The following CTSL variants were observed in gnomAD, a reference collection of about 807,000 sequenced individuals.
The protein encoded by CTSL is procathepsin L.
A neutral mutation model predicts 34.7 loss-of-function variants in CTSL; 23 were observed. The observed-to-expected ratio is 0.66, with a 90% CI of 0.48 to 0.94. The LOEUF (loss-of-function observed/expected upper bound fraction) is 0.94. Ranked by LOEUF, CTSL falls within the 40% of genes least tolerant of loss-of-function variation. The pLI, the probability that CTSL is intolerant of heterozygous loss-of-function variation, is 0.00. For synonymous variants in CTSL, 129 were observed against 136.7 expected (o/e 0.94, Z 0.39); for missense variants, 361 against 406.3 (o/e 0.89, Z 0.96).
At position 87,728,728 on chromosome 9, in the gene CTSL, T is replaced by TG. The variant is rs768022145; in HGVS notation, c.542dup (p.Leu182ProfsTer12). On this transcript the variant is annotated frameshift_variant, in exon 5 of 8. Transcript: ENST00000343150. LOFTEE classifies it high-confidence loss of function. ...CTCAAGGCAATGAAGGCTGCAATGG[T>TG]GGCCTAATGGATTATGCTTTCCAGT... 6.2e-7 allele frequency: 1 copy of TG among 1,614,190 alleles called. No individual in the cohort carries two copies. Among genetic ancestry groups the TG allele is most frequent in the Non-Finnish European group, 8.5e-7 (1 of 1,180,038 alleles).
chr9:87,730,576 C>T, intron 7 of CTSL, 78 bp downstream of exon 7: 1 of 990,530 alleles, frequency 1.0e-6, no homozygotes, highest in Non-Finnish European at 1.5e-6. Context: ...GATACAGTTC[C>T]ACATGCCCTT....
At position 87,726,301 on chromosome 9, in the gene CTSL, G is replaced by C. The variant is rs1177987436; in HGVS notation, c.-108G>C. 1 of 152,704 alleles carries C rather than the reference G, an allele frequency of 6.5e-6. No individual in the cohort carries two copies. Among genetic ancestry groups the C allele is most frequent in the African/African-American group, 2.4e-5 (1 of 41,478 alleles). The allele number at this position is 152,704 out of a possible 1,614,324, so 9.5% of individuals were successfully genotyped here. On this transcript the variant is annotated 5_prime_UTR_variant, in exon 1 of 8. Transcript: ENST00000343150. ...AGAGCGTCTACCCCGAACTCTGCTG[G>C]CCTTGAGGTGGGGAAGCCGGGGAGG...
chr9:87,729,764 A>G (rs757085340), intron 6 of CTSL, 29 bp downstream of exon 6: 5 of 1,581,132 alleles, frequency 3.2e-6, no homozygotes, highest in African/African-American at 1.4e-5. Context: ...GTAGAAATTG[A>G]TGCAGAAAAA....
Position 87,728,334 on chromosome 9 carries a change from T to C in CTSL, c.334T>C (p.Tyr112His), listed in dbSNP as rs1287963546. Residue 112 changes from tyrosine (Y) to histidine (H), a missense_variant, in exon 4 of 8, where the codon TAT (tyrosine) becomes CAT (histidine). Physicochemically the swap from Tyr to His is moderately conservative, Grantham distance 83 (BLOSUM62 2). Transcript: ENST00000343150. The stretch of plus-strand genomic sequence containing the variant: ...GAAAGTGTTCCAGGAACCTCTGTTT[T>C]ATGAGGCCCCCAGATCTGTGGATTG... ...KGKVFQEPLF[Y>H]EAPRSVDWRE... 6 of 1,614,152 alleles carry C rather than the reference T, an allele frequency of 3.7e-6. No homozygotes were observed. The highest frequency in any genetic ancestry group is 5.1e-6 in the Non-Finnish European group (6 of 1,180,012).
intron 1 of CTSL, among the ~76,000 whole-genome samples, chr9:87,726,791 C>G (rs1341370413): frequency 2.6e-5 from 4 of 152,024 alleles, no homozygotes; most frequent in Non-Finnish European, 5.9e-5. Flanking sequence ...TCCTGTAATC[C>G]CAGCACTTTG....
At chr9:87,728,461 T>C (rs1587869867) in intron 4 of CTSL, 65 bp downstream of exon 4, 1 of 1,582,282 alleles carries the variant, frequency 6.3e-7, no homozygotes, top group Admixed American at 1.9e-5. Context: ...TTGACATCTT[T>C]GTTTTGGTAG....
chr9:87,726,603 T>TC (rs1366276726), intron 1 of CTSL, among the ~76,000 whole-genome samples: 1 of 152,220 alleles, frequency 6.6e-6, no homozygotes, highest in Non-Finnish European at 1.5e-5. Flanking sequence ...GGCGCTGGCT[T>TC]CCCGCGTGCG....
Position 87,728,402 on chromosome 9 carries a change from A to G in CTSL, c.396+6A>G, listed in dbSNP as rs1826120538. The G allele has an allele frequency of 1.2e-6, 2 of 1,612,340 alleles. No individual in the cohort carries two copies. The highest frequency in any genetic ancestry group is 1.3e-5 in the African/African-American group (1 of 74,838). ...TGACTCCTGTGAAGAATCAGGTGAG[A>G]CAGTGTCAGGTTCAGACCTCCCATC... On this transcript the variant is annotated splice_donor_region_variant and intron_variant, in intron 4 of 7. Coordinates refer to ENST00000343150, the MANE Select transcript of CTSL (RefSeq NM_001912.5).
At position 87,728,622 on chromosome 9, in the gene CTSL, G is replaced by A. The variant is rs1321351530; in HGVS notation, c.434G>A (p.Gly145Asp). The change falls in exon 5 of 8, where the codon GGT (glycine) becomes GAT (aspartate). Residue 145 changes from glycine to aspartate, a missense_variant. Physicochemically the swap from Gly to Asp is moderately conservative, Grantham distance 94. Coordinates refer to ENST00000343150, the MANE Select transcript of CTSL (RefSeq NM_001912.5). ...CGSCWAFSAT[G>D]ALEGQMFRKT... Reference sequence around the variant, plus strand: ...TCTTGTTGGGCTTTTAGTGCTACTGGTGCTCTTGAAGGACAGATGTTCCGG... The same window carrying A: ...TCTTGTTGGGCTTTTAGTGCTACTGATGCTCTTGAAGGACAGATGTTCCGG... 6.2e-7 allele frequency: 1 copy of A among 1,613,892 alleles called. No individual in the cohort carries two copies. The highest frequency in any genetic ancestry group is 1.7e-5 in the Admixed American group (1 of 59,982).
chr9:87,728,835 C>T lies in CTSL; in HGVS notation c.621+26C>T. The T allele has an allele frequency of 1.9e-6, 3 of 1,614,094 alleles. No homozygotes were observed. The South Asian group carries it at 3.3e-5, about 18-fold the overall frequency. On this transcript the variant is annotated intron_variant, in intron 5 of 7. Coordinates refer to ENST00000343150, the MANE Select transcript of CTSL (RefSeq NM_001912.5). ...GTAAGTGGAGCTCCTTGTCATCATT[C>T]CAGCTCAGCTTTTGGAAGGTGGACA...
Position 87,728,910 on chromosome 9 carries a change from G to T in CTSL, c.621+101G>T, listed in dbSNP as rs2118238422. 4 of 1,552,994 alleles carry T rather than the reference G, an allele frequency of 2.6e-6. No homozygotes were observed. The South Asian group carries it at 4.8e-5, about 18-fold the overall frequency. The stretch of plus-strand genomic sequence containing the variant: ...TTCGGAATTCATATATTAGGGCTGG[G>T]TGGGGTGGCTCACGCCTGTAATCCC... On this transcript the variant is annotated intron_variant, in intron 5 of 7. Coordinates refer to ENST00000343150, the MANE Select transcript of CTSL (RefSeq NM_001912.5).
chr9:87,727,978 T>A (rs755907969), intron 2 of CTSL, 49 bp from the exon 3 acceptor site: 1 of 1,607,548 alleles, frequency 6.2e-7, no homozygotes, highest in Admixed American at 1.7e-5. Flanking sequence ...TGAGGATGAG[T>A]TGGGTTTTAG....
chr9:87,731,088 C>T lies in CTSL; in HGVS notation c.983C>T (p.Ala328Val). The change falls in exon 8 of 8, where the codon GCC (alanine) becomes GTC (valine). Residue 328 changes from alanine (A) to valine (V), a missense_variant. By Grantham distance (64) the Ala-to-Val change is moderately conservative. Transcript: ENST00000343150. ...AACCATTGTGGAATTGCCTCAGCAG[C>T]CAGCTACCCCACTGTGTGAGCTGGT... ...RRNHCGIASAASYPTV is the reference protein window; with the variant it reads ...RRNHCGIASAVSYPTV 1 of 1,613,900 alleles carries T rather than the reference C, an allele frequency of 6.2e-7. No individual in the cohort carries two copies. The highest frequency in any genetic ancestry group is 8.5e-7 in the Non-Finnish European group (1 of 1,179,860).
chr9:87,729,885 C>T, intron 6 of CTSL, 150 bp downstream of exon 6: 1 of 655,898 alleles, frequency 1.5e-6, no homozygotes. Flanking sequence ...AATATTTATA[C>T]CTGATGTTTC....
Position 87,730,379 on chromosome 9 carries a change from A to G in CTSL, c.785-2A>G. On this transcript the variant is annotated splice_acceptor_variant, in intron 6 of 7. Coordinates refer to ENST00000343150, the MANE Select transcript of CTSL (RefSeq NM_001912.5). LOFTEE classifies it high-confidence loss of function. ...ACCCCAGCCCTCATTTTACCATCCC[A>G]GGCATTTATTTTGAGCCAGACTGTA... 1.2e-6 allele frequency: 2 copies of G among 1,604,634 alleles called. No individual in the cohort carries two copies. Among genetic ancestry groups the G allele is most frequent in the Non-Finnish European group, 1.7e-6 (2 of 1,175,574 alleles).
At chr9:87,728,484 T>A (rs1479646888) in intron 4 of CTSL, 88 bp downstream of exon 4, 2 of 1,564,868 alleles carry the variant, frequency 1.3e-6, no homozygotes, top group Non-Finnish European at 1.7e-6. Context: ...TTTAAAGTGA[T>A]GTACAGTTCA....
chr9:87,728,820 CTCCTTGTCATCAT>C lies in CTSL; in HGVS notation c.621+15_621+27del, dbSNP rs1826143282. Reference sequence around the variant, plus strand: ...CCATATGAGGCAACAGTAAGTGGAGCTCCTTGTCATCATTCCAGCTCAGCTTTTGGAAGGTGGA... The same window carrying C: ...CCATATGAGGCAACAGTAAGTGGAGCTCCAGCTCAGCTTTTGGAAGGTGGA... On this transcript the variant is annotated intron_variant, in intron 5 of 7. Coordinates refer to ENST00000343150, the MANE Select transcript of CTSL (RefSeq NM_001912.5). The C allele has an allele frequency of 6.2e-7, 1 of 1,614,076 alleles. No homozygotes were observed. Among genetic ancestry groups the C allele is most frequent in the South Asian group, 1.1e-5 (1 of 91,088 alleles).
At chr9:87,728,950 C>G (rs1935420852) in intron 5 of CTSL, 141 bp downstream of exon 5, 1 of 1,477,868 alleles carries the variant, frequency 6.8e-7, no homozygotes, top group Admixed American at 2.4e-5. Flanking sequence ...CTTTAGGAGG[C>G]TGAGCCAGGC....
At position 87,727,627 on chromosome 9, in the gene CTSL, T is replaced by C; in HGVS notation, c.24T>C (p.Ala8=). Residue 8 remains alanine, a synonymous_variant, in exon 2 of 8, where the codon GCT becomes GCC. Coordinates refer to ENST00000343150, the MANE Select transcript of CTSL (RefSeq NM_001912.5). ...ACATGAATCCTACACTCATCCTTGC[T>C]GCCTTTTGCCTGGGAATTGCCTCAG... is the stretch of plus-strand genomic sequence containing the variant. MNPTLIL[A]AFCLGIASAT... 1 of 1,614,174 alleles carries C rather than the reference T, an allele frequency of 6.2e-7. No homozygotes were observed.
Sources: allele counts gnomAD v4.1 joint callset (sites outside exome capture counted in the v4.1 genomes callset), GRCh38; gene constraint gnomAD v4.1.1; transcripts MANE v1.5; gene names NCBI Gene and HGNC (gene_info 2026-07-23, HGNC 2026-07-21).